The following LRRC4C variants were observed in gnomAD, a reference collection of about 807,000 sequenced individuals.
LRRC4C encodes the protein leucine-rich repeat-containing protein 4C.
In LRRC4C, 5 loss-of-function variants were observed where a neutral mutation model predicts 33.6. The observed-to-expected ratio is 0.15, with a 90% CI of 0.08 to 0.31. LRRC4C has a LOEUF of 0.31. Among genes scored for constraint, LRRC4C ranks in the 10% least tolerant of loss-of-function variants. The pLI is 1.00. For missense variants in LRRC4C, 560 were observed against 796.7 expected (o/e 0.70, Z 3.58); for synonymous variants, 329 against 302.0 (o/e 1.09, Z -0.93).
At chr11:40,993,363 C>A (rs192620845) in intron 1 of LRRC4C, among the ~76,000 whole-genome samples, 3 of 152,018 alleles carry the variant, frequency 2.0e-5, no homozygotes, top group Non-Finnish European at 4.4e-5. Context: ...TATATTTGAA[C>A]TGGCCCACAC....
chr11:41,080,690 G>T (rs1404808295), intron 1 of LRRC4C, among the ~76,000 whole-genome samples: 1 of 151,978 alleles, frequency 6.6e-6, no homozygotes, highest in Admixed American at 6.6e-5. Context: ...TTGCTCTCAA[G>T]ATTTCAAAAA....
intron 1 of LRRC4C, among the ~76,000 whole-genome samples, chr11:41,343,394 T>C (rs1951701015): frequency 1.4e-5 from 2 of 143,786 alleles, no homozygotes; most frequent in South Asian, 4.5e-4. Context: ...AACAAAACAG[T>C]AGCCACTGAA....
intron 6 of LRRC4C, among the ~76,000 whole-genome samples, chr11:40,119,219 C>T (rs1026343182): frequency 3.9e-5 from 6 of 152,186 alleles, no homozygotes; most frequent in African/African-American, 1.2e-4. Context: ...TAAACATATA[C>T]CCACGTTTAC....
intron 1 of LRRC4C, among the ~76,000 whole-genome samples, chr11:41,141,410 G>C (rs181002786): frequency 6.6e-6 from 1 of 152,078 alleles, no homozygotes; most frequent in Non-Finnish European, 1.5e-5. Flanking sequence ...TAAAAAGTTT[G>C]AAAAGTATTA....
intron 2 of LRRC4C, among the ~76,000 whole-genome samples, chr11:40,805,813 G>C (rs1951220869): frequency 6.6e-6 from 1 of 152,080 alleles, no homozygotes; most frequent in African/African-American, 2.4e-5. Context: ...AGAGTATGGT[G>C]TTTATAAGAC....
At chr11:41,233,933 C>T (rs961586748) in intron 1 of LRRC4C, among the ~76,000 whole-genome samples, 6 of 151,366 alleles carry the variant, frequency 4.0e-5, no homozygotes, top group South Asian at 2.1e-4. Flanking sequence ...AGCATAACTG[C>T]ACCACTTGGT....
intron 2 of LRRC4C, among the ~76,000 whole-genome samples, chr11:40,910,808 G>A (rs1014704993): frequency 6.6e-6 from 1 of 152,162 alleles, no homozygotes; most frequent in South Asian, 2.1e-4. Context: ...CAAGGAAAGG[G>A]GTGACAGATG....
chr11:40,248,030 C>T (rs1215253207), intron 4 of LRRC4C, among the ~76,000 whole-genome samples: 1 of 152,126 alleles, frequency 6.6e-6, no homozygotes, highest in Non-Finnish European at 1.5e-5. Flanking sequence ...AATCGTGAAT[C>T]GAGGTATACC....
intron 1 of LRRC4C, among the ~76,000 whole-genome samples, chr11:41,193,815 T>A (rs77754434): frequency 0.057 from 8,672 of 152,062 alleles, 299 homozygotes; most frequent in Middle Eastern, 0.079. Context: ...CCTTTTTTTT[T>A]AACCATATGG....
At chr11:40,657,797 T>C (rs948299386) in intron 2 of LRRC4C, among the ~76,000 whole-genome samples, 1 of 152,220 alleles carries the variant, frequency 6.6e-6, no homozygotes, top group Non-Finnish European at 1.5e-5. Flanking sequence ...GTGAGGGTCC[T>C]CAACCTTGGC....
chr11:40,815,784 G>A (rs543256850), intron 2 of LRRC4C, among the ~76,000 whole-genome samples: 2 of 152,194 alleles, frequency 1.3e-5, no homozygotes, highest in South Asian at 2.1e-4. Flanking sequence ...AGTCCAACTC[G>A]TTGTCACATA....
intron 3 of LRRC4C, chr11:40,447,126 C>A: frequency 1.1e-5 from 2 of 177,460 alleles, no homozygotes; most frequent in South Asian, 3.3e-4. Context: ...CAGGTGAAGT[C>A]AACAGCCACA....
chr11:41,372,938 A>ATT (rs1952806990), intron 1 of LRRC4C, among the ~76,000 whole-genome samples: 1 of 152,178 alleles, frequency 6.6e-6, no homozygotes, highest in Non-Finnish European at 1.5e-5. Flanking sequence ...CACTAAACAG[A>ATT]TTTAGCTATT....
At chr11:40,423,322 A>G (rs1211012092) in intron 3 of LRRC4C, among the ~76,000 whole-genome samples, 1 of 150,402 alleles carries the variant, frequency 6.6e-6, no homozygotes, top group Non-Finnish European at 1.5e-5. Flanking sequence ...GTGAAAAGGA[A>G]GTCAGTTGTT....
rs914584100 is a variant in LRRC4C at position 40,615,253 on chromosome 11, T to TATATATATATATATAA, written c.-270+32888_-270+32889insTTATATATATATATAT. On this transcript the variant is annotated intron_variant, in intron 3 of 6. Coordinates refer to ENST00000528697, the MANE Select transcript of LRRC4C (RefSeq NM_001258419.2). ...TTGATTTATTTTATATATATATATA[T>TATATATATATATATAA]ATATATATATATACACACACACACA... is the stretch of plus-strand genomic sequence containing the variant. Among the ~76,000 whole-genome samples, 849 of 93,068 alleles carry TATATATATATATATAA rather than the reference T, an allele frequency of 9.1e-3. 16 individuals carry two copies. The highest frequency in any genetic ancestry group is 0.026 in the African/African-American group (801 of 30,518). 61.1% of individuals were successfully genotyped at this position (93,068 alleles called of 152,430 possible).
intron 3 of LRRC4C, among the ~76,000 whole-genome samples, chr11:40,369,092 A>G (rs987056502): frequency 3.3e-5 from 5 of 152,190 alleles, no homozygotes; most frequent in Non-Finnish European, 7.4e-5. Context: ...ATGTTTATCT[A>G]TTGATAACCT....
In LRRC4C at chr11:40,446,558, C is replaced by G. The variant is rs1951644598; in HGVS notation, c.-269-126837G>C. 2.0e-5 allele frequency: 3 copies of G among 152,040 alleles called. No individual in the cohort carries two copies. In the South Asian group the frequency reaches 6.2e-4, roughly 32 times the overall value. The allele number at this position is 152,040 out of a possible 1,614,324, so 9.4% of individuals were successfully genotyped here. A position where few individuals can be genotyped will look rare whatever the true frequency, so the allele number is the denominator to read the frequency against. ...ATTAGGTCATCAACTGGGTGGATAC[C>G]TGGGAGACTTGGTTTTGGCAGTGTA... is the stretch of plus-strand genomic sequence containing the variant. On this transcript the variant is annotated intron_variant, in intron 3 of 6. Coordinates refer to ENST00000528697, the MANE Select transcript of LRRC4C (RefSeq NM_001258419.2).
At chr11:40,584,618 G>T (rs1235473550) in intron 3 of LRRC4C, among the ~76,000 whole-genome samples, 1 of 152,056 alleles carries the variant, frequency 6.6e-6, no homozygotes, top group Non-Finnish European at 1.5e-5. Flanking sequence ...CAGAGGCATG[G>T]CTATAATATC....
intron 1 of LRRC4C, among the ~76,000 whole-genome samples, chr11:41,116,936 T>G (rs938497062): frequency 6.6e-6 from 1 of 152,202 alleles, no homozygotes. Context: ...CCATGCCCTT[T>G]GCAATGTGAC....
Sources: gnomAD v4.1 joint callset for allele counts (sites outside exome capture counted in the v4.1 genomes callset) on GRCh38, gnomAD v4.1.1 for gene constraint, MANE v1.5 for transcripts, NCBI Gene and HGNC (gene_info 2026-07-23, HGNC 2026-07-21) for gene names.